TENM1: variants seen among roughly 807,000 people sequenced by gnomAD.
The protein encoded by TENM1 is teneurin-1.
Under a neutral mutation model 174.8 loss-of-function variants are expected in TENM1, and 35 were observed. The observed-to-expected ratio is 0.20, with a 90% confidence interval of 0.15 to 0.27. TENM1 has a LOEUF of 0.27. Ranked by LOEUF, TENM1 falls within the 10% of genes least tolerant of loss-of-function variation. The pLI is 1.00. For synonymous variants in TENM1, 781 were observed against 798.7 expected, an observed-to-expected ratio of 0.98 and a Z score of 0.37; for missense variants, 1,633 against 2,130.1, an observed-to-expected ratio of 0.77 and a Z score of 4.59.
the TENM1 span, among the ~76,000 whole-genome samples, chrX:125,048,754 G>T: frequency 9.0e-6 from 1 of 111,274 alleles, no homozygotes; most frequent in Non-Finnish European, 1.9e-5. Flanking sequence ...TGTATGGTCT[G>T]CTGTGCTTTG....
chrX:124,959,564 T>A (rs5958633), intron 1 of TENM1, among the ~76,000 whole-genome samples: 3,789 of 110,883 alleles, frequency 0.034, 167 homozygotes, highest in African/African-American at 0.12. Context: ...ACTGATGAGC[T>A]CAAATCTACT....
At chrX:124,977,715 A>C in the TENM1 span, among the ~76,000 whole-genome samples, 1 of 110,842 alleles carries the variant, frequency 9.0e-6, no homozygotes, top group African/African-American at 3.3e-5. Context: ...AATTAAATTA[A>C]GTCATACAAT....
At chrX:124,834,827 C>T (rs1254830350) in intron 3 of TENM1, among the ~76,000 whole-genome samples, 1 of 112,129 alleles carries the variant, frequency 8.9e-6, no homozygotes, top group African/African-American at 3.2e-5. Flanking sequence ...TCATTTGAGC[C>T]AATGAAATAA....
chrX:125,154,085 T>A, the TENM1 span, among the ~76,000 whole-genome samples: 1 of 112,093 alleles, frequency 8.9e-6, no homozygotes, highest in Non-Finnish European at 1.9e-5. Flanking sequence ...ATTGCAAACA[T>A]GGAATTAATA....
intron 3 of TENM1, among the ~76,000 whole-genome samples, chrX:124,775,595 G>A (rs186783760): frequency 4.5e-5 from 5 of 112,087 alleles, no homozygotes; most frequent in Non-Finnish European, 9.4e-5. Flanking sequence ...GGAGAACTTG[G>A]CTCTTCCTTT....
chrX:125,196,193 TC>T, the TENM1 span, among the ~76,000 whole-genome samples: 3 of 111,042 alleles, frequency 2.7e-5, no homozygotes, highest in African/African-American at 6.5e-5. Flanking sequence ...AATACTATCT[TC>T]CCCAAAAAAG....
the TENM1 span, among the ~76,000 whole-genome samples, chrX:125,079,326 T>G: frequency 8.9e-6 from 1 of 112,075 alleles, no homozygotes; most frequent in Admixed American, 9.5e-5. Context: ...AAAAGCAAGA[T>G]ATCTGAGGAT....
chrX:125,160,734 A>G, the TENM1 span, among the ~76,000 whole-genome samples: 14 of 109,465 alleles, frequency 1.3e-4, no homozygotes, highest in Admixed American at 1.4e-3. Context: ...CTACAAATCC[A>G]TTATAACATA....
At chrX:124,896,353 T>C in intron 1 of TENM1, 112 bp from the exon 5 acceptor site, 1 of 854,805 alleles carries the variant, frequency 1.2e-6, no homozygotes, top group African/African-American at 2.0e-5. Context: ...ATTACGTGTT[T>C]TTGCAAGTTA....
intron 3 of TENM1, among the ~76,000 whole-genome samples, chrX:124,886,187 A>C (rs946379144): frequency 1.8e-5 from 2 of 110,989 alleles, no homozygotes; most frequent in Non-Finnish European, 3.8e-5. Flanking sequence ...AACTCTGTTG[A>C]TAAGAGCACT....
chrX:124,447,463 AC>A (rs1428866185), intron 23 of TENM1, among the ~76,000 whole-genome samples: 1 of 111,309 alleles, frequency 9.0e-6, no homozygotes, highest in Non-Finnish European at 1.9e-5. Flanking sequence ...TCCCAGCCAA[AC>A]ATCTCAAAGA....
chrX:124,502,333 G>C (rs759202745), intron 19 of TENM1, among the ~76,000 whole-genome samples: 2 of 112,566 alleles, frequency 1.8e-5, no homozygotes, highest in East Asian at 5.6e-4. Flanking sequence ...CTTCTGTTCT[G>C]AATGTTTCAA....
In TENM1 at chrX:124,546,799, G is replaced by A. The variant is rs2048440653; in HGVS notation, c.2651+75C>T. Reference sequence around the variant, plus strand: ...GGAATGGGAAGTAACCTGATCCTTAGAAGATATCTTCCTTTCGTAGTTCAG... The same window carrying A: ...GGAATGGGAAGTAACCTGATCCTTAAAAGATATCTTCCTTTCGTAGTTCAG... On this transcript the variant is annotated intron_variant, in intron 15 of 31. Transcript: ENST00000422452. 3.6e-6 allele frequency: 3 copies of A among 842,689 alleles called. No individual in the cohort carries two copies. In the African/African-American group the frequency reaches 6.0e-5, roughly 17 times the overall value. The allele number at this position is 842,689 out of a possible 1,213,427, so 69.4% of individuals were successfully genotyped here. A position where few individuals can be genotyped will look rare whatever the true frequency, so the allele number is the denominator to read the frequency against.
the TENM1 span, among the ~76,000 whole-genome samples, chrX:125,024,081 G>A: frequency 9.0e-6 from 1 of 111,677 alleles, no homozygotes; most frequent in Admixed American, 9.5e-5. Flanking sequence ...AAAAACAATA[G>A]ATGTTGGCAT....
chrX:125,008,767 G>A, the TENM1 span, among the ~76,000 whole-genome samples: 11 of 111,618 alleles, frequency 9.9e-5, no homozygotes, highest in Non-Finnish European at 1.3e-4. Flanking sequence ...TTGAACAACC[G>A]GCTCCTGAAT....
At chrX:125,093,813 G>A in the TENM1 span, among the ~76,000 whole-genome samples, 17 of 111,675 alleles carry the variant, frequency 1.5e-4, no homozygotes, top group South Asian at 5.3e-3. Context: ...AGAAAGAAAA[G>A]CATTGTTCTG....
chrX:124,978,737 G>A, the TENM1 span, among the ~76,000 whole-genome samples: 12 of 111,778 alleles, frequency 1.1e-4, no homozygotes, highest in African/African-American at 2.0e-4. Flanking sequence ...TCTATTCTCC[G>A]ACAATGGATC....
At chrX:124,434,126 C>A (rs1466085004) in intron 23 of TENM1, among the ~76,000 whole-genome samples, 1 of 111,396 alleles carries the variant, frequency 9.0e-6, no homozygotes, top group Non-Finnish European at 1.9e-5. Context: ...GCTAGTGTAT[C>A]TTCAGTTTTA....
intron 19 of TENM1, among the ~76,000 whole-genome samples, chrX:124,501,054 G>A (rs1397515347): frequency 1.8e-5 from 2 of 111,161 alleles, no homozygotes; most frequent in Non-Finnish European, 3.8e-5. Flanking sequence ...TACCCACTTA[G>A]TGCCCTAGAT....
Sources: allele counts gnomAD v4.1 joint callset (sites outside exome capture counted in the v4.1 genomes callset), GRCh38; gene constraint gnomAD v4.1.1; transcripts MANE v1.5; gene names NCBI Gene and HGNC (gene_info 2026-07-23, HGNC 2026-07-21).